The following GNAO1 variants were observed in gnomAD, a reference collection of about 807,000 sequenced individuals.
The protein encoded by GNAO1 is guanine nucleotide-binding protein G(o) subunit alpha.
For synonymous variants in GNAO1, 164 were observed against 180.7 expected (o/e 0.91, Z 0.74); for missense variants, 166 against 478.7 (o/e 0.35, Z 6.10).
intron 3 of GNAO1, among the ~76,000 whole-genome samples, chr16:56,283,879 C>T (rs776721092): frequency 6.6e-6 from 1 of 152,100 alleles, no homozygotes; most frequent in Non-Finnish European, 1.5e-5. Context: ...CCATTCAAGC[C>T]CATCTCATTC....
intron 2 of GNAO1, among the ~76,000 whole-genome samples, chr16:56,231,134 T>C (rs1309086550): frequency 4.6e-5 from 7 of 152,202 alleles, no homozygotes; most frequent in Non-Finnish European, 8.8e-5. Flanking sequence ...ACCTGGGCAG[T>C]GTGGCTTATG....
chr16:56,346,901 C>T (rs1391369502), intron 6 of GNAO1: 2 of 985,336 alleles, frequency 2.0e-6, no homozygotes, highest in African/African-American at 1.7e-5. Flanking sequence ...GGGATGGTCT[C>T]ACCCATGCCC....
At chr16:56,224,655 A>G (rs2036518937) in intron 2 of GNAO1, among the ~76,000 whole-genome samples, 2 of 151,962 alleles carry the variant, frequency 1.3e-5, no homozygotes, top group Admixed American at 1.3e-4. Flanking sequence ...AATTTTTTGT[A>G]TTTTTAGTAG....
At position 56,351,380 on chromosome 16, in the gene GNAO1, G is replaced by T. The variant is rs373051247; in HGVS notation, c.724-4G>T. The stretch of plus-strand genomic sequence containing the variant: ...TCCTCTCTCCTCCCTTCCTGCGGCC[G>T]CAGAACCGCATGCACGAGTCTCTCA... On this transcript the variant is annotated splice_region_variant and splice_polypyrimidine_tract_variant and intron_variant, in intron 6 of 8. Transcript: ENST00000262493. The surrounding 1 kb of genome is among the most constrained non-coding windows in gnomAD (Gnocchi z 6.1). 2 of 1,608,166 alleles carry T rather than the reference G, an allele frequency of 1.2e-6. No homozygotes were observed. Among genetic ancestry groups the T allele is most frequent in the South Asian group, 2.2e-5 (2 of 90,738 alleles).
At chr16:56,231,133 G>A (rs558643065) in intron 2 of GNAO1, among the ~76,000 whole-genome samples, 1 of 152,348 alleles carries the variant, frequency 6.6e-6, no homozygotes, top group African/African-American at 2.4e-5. Context: ...TACCTGGGCA[G>A]TGTGGCTTAT....
At chr16:56,296,088 G>C (rs183458188) in intron 3 of GNAO1, among the ~76,000 whole-genome samples, 3 of 152,314 alleles carry the variant, frequency 2.0e-5, no homozygotes, top group Admixed American at 2.0e-4. Context: ...GCCAATTACT[G>C]ATTTCCTGAG....
At position 56,354,843 on chromosome 16, in the gene GNAO1, C is replaced by T. The variant is rs764412868; in HGVS notation, c.878-23C>T. 7 of 1,552,400 alleles carry T rather than the reference C, an allele frequency of 4.5e-6. No individual in the cohort carries two copies. Among genetic ancestry groups the T allele is most frequent in the African/African-American group, 2.7e-5 (2 of 73,714 alleles). On this transcript the variant is annotated intron_variant, in intron 7 of 8. Coordinates refer to ENST00000262493, the MANE Select transcript of GNAO1 (RefSeq NM_020988.3). This position sits in a 1 kb window ranked among gnomAD's most constrained non-coding sequence, Gnocchi z 4.3. ...CACAGCGCTCATCAGGGCCTCTCCC[C>T]GTTCTTCTGTGTCTTGTTACAGGCC...
intron 2 of GNAO1, among the ~76,000 whole-genome samples, chr16:56,258,476 T>A (rs1488599755): frequency 6.6e-6 from 1 of 151,794 alleles, no homozygotes; most frequent in Non-Finnish European, 1.5e-5. Flanking sequence ...TGAAAGGGAG[T>A]GTTGGGCATT....
intron 6 of GNAO1, among the ~76,000 whole-genome samples, chr16:56,343,329 A>AAAT (rs59805466): frequency 0.18 from 25,933 of 146,678 alleles, 3,779 homozygotes; most frequent in African/African-American, 0.39. Context: ...TCTGTATTAA[A>AAAT]AATAATAATA....
intron 4 of GNAO1, among the ~76,000 whole-genome samples, chr16:56,334,152 G>A (rs1257100871): frequency 6.6e-6 from 1 of 152,206 alleles, no homozygotes; most frequent in Non-Finnish European, 1.5e-5. Context: ...GAGCCTCCAA[G>A]AGCATCAAAT....
chr16:56,314,918 G>A (rs1475696565), intron 3 of GNAO1, among the ~76,000 whole-genome samples: 2 of 152,134 alleles, frequency 1.3e-5, no homozygotes, highest in Non-Finnish European at 2.9e-5. Flanking sequence ...GAAGAGACTT[G>A]CCCAGGGTCC....
intron 6 of GNAO1, among the ~76,000 whole-genome samples, chr16:56,349,146 A>C (rs2037899379): frequency 6.6e-6 from 1 of 152,106 alleles, no homozygotes; most frequent in African/African-American, 2.4e-5. Flanking sequence ...GGAACTGTGG[A>C]GCCTAAATGA....
At chr16:56,343,953 C>T (rs1199932434) in intron 6 of GNAO1, 1 of 1,612,990 alleles carries the variant, frequency 6.2e-7, no homozygotes, top group Non-Finnish European at 8.5e-7. Flanking sequence ...TCTACTGAGC[C>T]CAGCCGCCCT....
intron 6 of GNAO1, chr16:56,346,384 G>A (rs543980493): frequency 1.5e-5 from 15 of 985,434 alleles, no homozygotes; most frequent in African/African-American, 5.2e-5. Context: ...TAACCTCTCC[G>A]ATGGCTCGGA....
chr16:56,327,247 C>T (rs546700891), intron 3 of GNAO1, among the ~76,000 whole-genome samples: 2 of 152,192 alleles, frequency 1.3e-5, no homozygotes, highest in East Asian at 1.9e-4. Context: ...GTATTCATGG[C>T]GATGGCAGGG....
intron 2 of GNAO1, among the ~76,000 whole-genome samples, chr16:56,207,668 G>C (rs2036343275): frequency 6.6e-6 from 1 of 152,146 alleles, no homozygotes. Flanking sequence ...GTTGACACAG[G>C]ATATAATAGT....
At chr16:56,287,054 C>T (rs2037178678) in intron 3 of GNAO1, among the ~76,000 whole-genome samples, 1 of 152,204 alleles carries the variant, frequency 6.6e-6, no homozygotes, top group Non-Finnish European at 1.5e-5. Flanking sequence ...AGCAAGCCAG[C>T]ACTGCTGCTC....
At chr16:56,238,653 G>T (rs1369589198) in intron 2 of GNAO1, among the ~76,000 whole-genome samples, 18 of 152,226 alleles carry the variant, frequency 1.2e-4, no homozygotes, top group African/African-American at 2.7e-4. Context: ...ACGCTGCAGG[G>T]TACACAGCAG....
intron 2 of GNAO1, among the ~76,000 whole-genome samples, chr16:56,207,425 C>G (rs1326219030): frequency 1.3e-5 from 2 of 152,180 alleles, no homozygotes; most frequent in African/African-American, 4.8e-5. Flanking sequence ...TTTTTGCTAT[C>G]AGAGAAAACA....
Sources: allele counts gnomAD v4.1 joint callset (sites outside exome capture counted in the v4.1 genomes callset), GRCh38; gene constraint gnomAD v4.1.1; non-coding constraint Gnocchi (gnomAD v3.1); transcripts MANE v1.5; gene names NCBI Gene and HGNC (gene_info 2026-07-23, HGNC 2026-07-21).